SOS1: variants seen among roughly 807,000 people sequenced by gnomAD.
SOS1 encodes the protein SOS Ras/Rac guanine nucleotide exchange factor 1.
A neutral mutation model predicts 157.6 loss-of-function variants in SOS1; 25 were observed. The observed-to-expected ratio is 0.16, with a 90% confidence interval of 0.12 to 0.22. SOS1 has a LOEUF of 0.22. Ranked by LOEUF, SOS1 falls within the 10% of genes least tolerant of loss-of-function variation. The pLI is 1.00. For missense variants in SOS1, 1,237 were observed against 1,599.1 expected, an observed-to-expected ratio of 0.77 and a Z score of 3.86; for synonymous variants, 528 against 534.0, an observed-to-expected ratio of 0.99 and a Z score of 0.16.
chr2:39,042,202 T>C (rs1247812564), intron 6 of SOS1, among the ~76,000 whole-genome samples: 1 of 152,116 alleles, frequency 6.6e-6, no homozygotes, highest in Non-Finnish European at 1.5e-5. Flanking sequence ...ACAAGTCCCC[T>C]CAACTTGTTC....
At chr2:39,063,606 T>A (rs1488839960) in intron 2 of SOS1, among the ~76,000 whole-genome samples, 4 of 152,212 alleles carry the variant, frequency 2.6e-5, no homozygotes, top group African/African-American at 4.8e-5. Flanking sequence ...TTTGTGATAA[T>A]CTGTAGTACA....
intron 6 of SOS1, among the ~76,000 whole-genome samples, chr2:39,048,605 T>A (rs1468270320): frequency 6.6e-6 from 1 of 152,052 alleles, no homozygotes; most frequent in Non-Finnish European, 1.5e-5. Context: ...TTTCACCATG[T>A]TGGCCAGGCT....
intron 19 of SOS1, among the ~76,000 whole-genome samples, chr2:38,996,124 C>A (rs936983223): frequency 6.6e-6 from 1 of 151,998 alleles, no homozygotes; most frequent in Non-Finnish European, 1.5e-5. Flanking sequence ...TGCTCTGTCT[C>A]CCAGGCTGGA....
intron 21 of SOS1, among the ~76,000 whole-genome samples, chr2:38,988,777 G>C (rs1668628567): frequency 6.6e-6 from 1 of 152,024 alleles, no homozygotes; most frequent in Admixed American, 6.6e-5. Flanking sequence ...ACTTTATTTT[G>C]TTTATCAGTA....
At chr2:39,018,166 A>G (rs189951040) in intron 10 of SOS1, among the ~76,000 whole-genome samples, 1 of 151,952 alleles carries the variant, frequency 6.6e-6, no homozygotes, top group Non-Finnish European at 1.5e-5. Context: ...GCAAAAACAT[A>G]TAATCCTAGA....
intron 2 of SOS1, among the ~76,000 whole-genome samples, chr2:39,061,824 T>C (rs779492962): frequency 2.0e-5 from 3 of 152,178 alleles, no homozygotes; most frequent in African/African-American, 4.8e-5. Flanking sequence ...GATTAATATC[T>C]AGTACCTCTG....
intron 1 of SOS1, among the ~76,000 whole-genome samples, chr2:39,107,337 T>C (rs559643569): frequency 6.6e-6 from 1 of 152,180 alleles, no homozygotes; most frequent in African/African-American, 2.4e-5. Flanking sequence ...TGACTGAGCA[T>C]GGCAGGCCTG....
chr2:39,114,371 T>G (rs1270760861), intron 1 of SOS1, among the ~76,000 whole-genome samples: 1 of 151,826 alleles, frequency 6.6e-6, no homozygotes, highest in Non-Finnish European at 1.5e-5. Context: ...TGGCACAATC[T>G]CAGCTCACCA....
At chr2:39,085,495 C>A (rs1672339624) in intron 1 of SOS1, among the ~76,000 whole-genome samples, 2 of 152,234 alleles carry the variant, frequency 1.3e-5, no homozygotes, top group Non-Finnish European at 2.9e-5. Flanking sequence ...ATCCAAGTGT[C>A]TTTCTACTAT....
intron 15 of SOS1, chr2:39,007,556 C>CCTG: frequency 5.1e-6 from 1 of 194,188 alleles, no homozygotes; most frequent in Non-Finnish European, 1.1e-5. Context: ...CTGTTGTGTT[C>CCTG]TATTCTTCAT....
intron 6 of SOS1, among the ~76,000 whole-genome samples, chr2:39,045,249 A>AGAGGGAGAGG (rs1330838634): frequency 3.8e-5 from 1 of 26,558 alleles, no homozygotes; most frequent in African/African-American, 7.5e-5. Context: ...AGAGGGAGAG[A>AGAGGGAGAGG]GAGAGAGAGA....
chr2:39,023,629 TC>T lies in SOS1; in HGVS notation c.1202+380del, dbSNP rs1572831118. On this transcript the variant is annotated intron_variant, in intron 9 of 22. Transcript: ENST00000402219. ...TAAAAACATGTAGCACATATTATAATCAGGAAAGTGGAAGCAATGTTATCTG... is the reference window on the plus strand; with the variant it reads ...TAAAAACATGTAGCACATATTATAATAGGAAAGTGGAAGCAATGTTATCTG... The T allele has an allele frequency of 1.6e-5, 4 of 249,498 alleles. No homozygotes were observed. In the East Asian group the frequency reaches 4.1e-4, roughly 26 times the overall value. 15.5% of individuals were successfully genotyped at this position (249,498 alleles called of 1,614,324 possible). A position where few individuals can be genotyped will look rare whatever the true frequency, so the allele number is the denominator to read the frequency against.
rs577618576 is a variant in SOS1, at chr2:38,983,511, G to A, written c.*2313C>T. 3.7e-4 allele frequency: 56 copies of A among 152,268 alleles called. No homozygotes were observed. The highest frequency in any genetic ancestry group is 1.3e-3 in the African/African-American group (56 of 41,574). The allele number at this position is 152,268 out of a possible 1,614,324, so 9.4% of individuals were successfully genotyped here. On this transcript the variant is annotated 3_prime_UTR_variant, in exon 23 of 23. Transcript: ENST00000402219. The stretch of plus-strand genomic sequence containing the variant: ...AGAATAGTTCCCTTTGGGAGAAATA[G>A]GATTAGAACTCCAAATCTGAATTTT...
intron 5 of SOS1, among the ~76,000 whole-genome samples, chr2:39,053,310 G>A (rs941611256): frequency 1.3e-5 from 2 of 152,168 alleles, no homozygotes; most frequent in Non-Finnish European, 2.9e-5. Flanking sequence ...CCTTTCAAAT[G>A]AGTATGTAGT....
At chr2:39,113,039 AAAAAAAAAAG>A (rs1189312212) in intron 1 of SOS1, among the ~76,000 whole-genome samples, 1 of 151,776 alleles carries the variant, frequency 6.6e-6, no homozygotes, top group Non-Finnish European at 1.5e-5. Flanking sequence ...TCTGTCTCAA[AAAAAAAAAAG>A]AAAAGAAAAG....
At chr2:39,099,475 T>C (rs574326682) in intron 1 of SOS1, among the ~76,000 whole-genome samples, 1 of 152,318 alleles carries the variant, frequency 6.6e-6, no homozygotes, top group African/African-American at 2.4e-5. Flanking sequence ...GGTATGGAGT[T>C]CTTTCTGAGG....
intron 1 of SOS1, among the ~76,000 whole-genome samples, chr2:39,112,243 A>T (rs982122628): frequency 1.3e-5 from 2 of 152,130 alleles, no homozygotes; most frequent in Non-Finnish European, 2.9e-5. Flanking sequence ...CTGAACAGAT[A>T]AGCGCTATTG....
At chr2:39,124,437 G>C (rs1421085810), upstream of SOS1, 1 of 152,318 alleles carries the variant, frequency 6.6e-6, no homozygotes, top group Non-Finnish European at 1.5e-5. Flanking sequence ...GACCGAGAGG[G>C]GCGCGTCCAG....
At chr2:39,003,584 A>G (rs1669181460) in intron 17 of SOS1, among the ~76,000 whole-genome samples, 1 of 152,240 alleles carries the variant, frequency 6.6e-6, no homozygotes, top group African/African-American at 2.4e-5. Flanking sequence ...AATTAAAGGT[A>G]ACTTAATGAA....
Sources: allele counts gnomAD v4.1 joint callset (sites outside exome capture counted in the v4.1 genomes callset), GRCh38; gene constraint gnomAD v4.1.1; transcripts MANE v1.5; gene names NCBI Gene and HGNC (gene_info 2026-07-23, HGNC 2026-07-21).